The following SLC9B1 variants were observed in gnomAD, a reference collection of about 807,000 sequenced individuals.
SLC9B1 encodes sodium/hydrogen exchanger 9B1.
In SLC9B1, 32 loss-of-function variants were observed where a neutral mutation model predicts 51.7. That is an observed-to-expected ratio of 0.62 (90% CI 0.47 to 0.83). SLC9B1 has a LOEUF of 0.83. SLC9B1 is among the 40% of genes least tolerant of loss of function. The pLI, the probability that SLC9B1 is intolerant of heterozygous loss-of-function variation, is 0.00. For synonymous variants in SLC9B1, 145 were observed against 212.7 expected, an observed-to-expected ratio of 0.68 and a Z score of 2.77; for missense variants, 406 against 613.2, an observed-to-expected ratio of 0.66 and a Z score of 3.57.
At chr4:102,959,382 C>A (rs1201268943) in intron 3 of SLC9B1, among the ~76,000 whole-genome samples, 16 of 152,012 alleles carry the variant, frequency 1.1e-4, no homozygotes, top group Non-Finnish European at 1.5e-5. Flanking sequence ...TTATCTCCTG[C>A]CAACATAAAT....
rs1263132002 is a variant in SLC9B1 at position 102,985,629 on chromosome 4, T to A, written c.211+4171A>T. Among the ~76,000 whole-genome samples, 5 of 152,208 alleles carry A rather than the reference T, an allele frequency of 3.3e-5. No homozygotes were observed. The South Asian group carries it at 6.2e-4, about 19-fold the overall frequency. The stretch of plus-strand genomic sequence containing the variant: ...ACCTCCGTCTCCTGGGTTCAAGCAA[T>A]TCTCCTGCCTCAGCATCTTGAGTAG... On this transcript the variant is annotated intron_variant, in intron 3 of 11. Coordinates refer to ENST00000296422, the MANE Select transcript of SLC9B1 (RefSeq NM_139173.4).
At chr4:102,982,340 G>C in intron 3 of SLC9B1, among the ~76,000 whole-genome samples, 1 of 152,128 alleles carries the variant, frequency 6.6e-6, no homozygotes, top group Non-Finnish European at 1.5e-5. Flanking sequence ...GGTAATGTCA[G>C]TTCTCTGATT....
At chr4:102,893,745 G>A (rs565445844) in intron 11 of SLC9B1, among the ~76,000 whole-genome samples, 264 of 152,030 alleles carry the variant, frequency 1.7e-3, no homozygotes, top group African/African-American at 5.9e-3. Context: ...ACAATATGGC[G>A]AAACCCCATC....
intron 3 of SLC9B1, among the ~76,000 whole-genome samples, chr4:102,955,888 A>G (rs1737776725): frequency 7.2e-6 from 1 of 138,938 alleles, no homozygotes; most frequent in Admixed American, 6.9e-5. Context: ...AAAGAAAGAA[A>G]GAAAGAAAGA....
At chr4:103,018,231 C>G (rs942357689) in intron 1 of SLC9B1, among the ~76,000 whole-genome samples, 9 of 152,144 alleles carry the variant, frequency 5.9e-5, no homozygotes, top group African/African-American at 2.2e-4. Context: ...TAGCACCCAC[C>G]TATTTCCTTG....
chr4:102,977,714 G>C (rs1739147653), intron 3 of SLC9B1, among the ~76,000 whole-genome samples: 1 of 152,136 alleles, frequency 6.6e-6, no homozygotes, highest in African/African-American at 2.4e-5. Flanking sequence ...CAGAGCCCCA[G>C]CTGGGTGCAG....
At chr4:102,922,933 A>C (rs1269850626) in intron 7 of SLC9B1, among the ~76,000 whole-genome samples, 1 of 151,966 alleles carries the variant, frequency 6.6e-6, no homozygotes, top group African/African-American at 2.4e-5. Context: ...CAACCAAAAA[A>C]AAAGTCCAGG....
At chr4:102,887,258 T>C in intron 11 of SLC9B1, 3 of 849,416 alleles carry the variant, frequency 3.5e-6, no homozygotes, top group Non-Finnish European at 5.9e-6. Context: ...TGATATGCTT[T>C]CTTTCTGAGA....
chr4:103,004,564 A>T (rs1458806452), intron 1 of SLC9B1, among the ~76,000 whole-genome samples: 2 of 152,324 alleles, frequency 1.3e-5, no homozygotes, highest in Non-Finnish European at 2.9e-5. Context: ...CCAATATTCA[A>T]ATTCAAGAAA....
chr4:102,951,269 G>A (rs1424085575), intron 3 of SLC9B1, among the ~76,000 whole-genome samples: 1 of 152,118 alleles, frequency 6.6e-6, no homozygotes, highest in Non-Finnish European at 1.5e-5. Context: ...ACACTTAGTA[G>A]ATGCTAATTC....
chr4:103,019,527 A>T (rs1188248185), intron 1 of SLC9B1, 72 bp downstream of exon 1: 10 of 968,222 alleles, frequency 1.0e-5, no homozygotes, highest in Non-Finnish European at 1.2e-5. Context: ...TACCGCAAGG[A>T]AACGATCGCG....
chr4:103,019,612 C>G lies in SLC9B1; in HGVS notation c.-15G>C, dbSNP rs2110554198. On this transcript the variant is annotated 5_prime_UTR_variant, in exon 1 of 12. Coordinates refer to ENST00000296422, the MANE Select transcript of SLC9B1 (RefSeq NM_139173.4). ...AATGGGCCGTACCTACAACTTCTTT[C>G]GCAGCCCTCGCTGGCCCGGGAGCGG... 4.1e-6 allele frequency: 4 copies of G among 985,474 alleles called. No homozygotes were observed. The highest frequency in any genetic ancestry group is 4.8e-6 in the Non-Finnish European group (4 of 829,956). The allele number at this position is 985,474 out of a possible 1,614,324, so 61.0% of individuals were successfully genotyped here.
intron 3 of SLC9B1, among the ~76,000 whole-genome samples, chr4:102,966,709 A>C (rs1315475445): frequency 3.9e-5 from 6 of 152,180 alleles, no homozygotes; most frequent in Non-Finnish European, 8.8e-5. Flanking sequence ...CCTTTAAAAA[A>C]TTGTCTCAAT....
At chr4:103,018,864 T>C (rs1741566119) in intron 1 of SLC9B1, among the ~76,000 whole-genome samples, 1 of 152,214 alleles carries the variant, frequency 6.6e-6, no homozygotes. Flanking sequence ...TGAGCAGGGC[T>C]AGAGGATTAT....
chr4:102,958,219 G>A (rs1412022064), intron 3 of SLC9B1, among the ~76,000 whole-genome samples: 1 of 152,194 alleles, frequency 6.6e-6, no homozygotes, highest in African/African-American at 2.4e-5. Flanking sequence ...TCTTGGTGCT[G>A]TCCTTGGGAC....
At chr4:102,986,771 A>G (rs1000403139) in intron 3 of SLC9B1, among the ~76,000 whole-genome samples, 18 of 152,172 alleles carry the variant, frequency 1.2e-4, no homozygotes, top group African/African-American at 4.3e-4. Context: ...TAAGCCCATC[A>G]AAGGCATTCT....
chr4:102,925,212 A>G (rs1369927303), intron 7 of SLC9B1, among the ~76,000 whole-genome samples: 1 of 152,198 alleles, frequency 6.6e-6, no homozygotes, highest in Non-Finnish European at 1.5e-5. Context: ...ACACCATGGA[A>G]TACTATGCAG....
intron 1 of SLC9B1, among the ~76,000 whole-genome samples, chr4:103,012,779 T>C (rs1452012515): frequency 6.6e-6 from 1 of 152,148 alleles, no homozygotes; most frequent in African/African-American, 2.4e-5. Context: ...TCCAAAAGGG[T>C]GCCTTGAACA....
At chr4:102,983,448 T>C (rs1235661678) in intron 3 of SLC9B1, among the ~76,000 whole-genome samples, 2 of 152,180 alleles carry the variant, frequency 1.3e-5, no homozygotes, top group African/African-American at 4.8e-5. Flanking sequence ...CTTCTAGAAA[T>C]AGCTGAGAAA....
Sources: gnomAD v4.1 joint callset for allele counts (sites outside exome capture counted in the v4.1 genomes callset) on GRCh38, gnomAD v4.1.1 for gene constraint, MANE v1.5 for transcripts, NCBI Gene and HGNC (gene_info 2026-07-23, HGNC 2026-07-21) for gene names.